The following OAS3 variants were observed in gnomAD, a reference collection of about 807,000 sequenced individuals.
The protein encoded by OAS3 is 2'-5'-oligoadenylate synthase 3.
Under a neutral mutation model 113.0 loss-of-function variants are expected in OAS3, and 107 were observed. That is an observed-to-expected ratio of 0.95 (90% CI 0.81 to 1.11). OAS3 has a LOEUF of 1.11. OAS3 is among the 50% of genes most tolerant of loss of function. The pLI, the probability that OAS3 is intolerant of heterozygous loss-of-function variation, is 0.00. For missense variants in OAS3, 1,258 were observed against 1,389.1 expected, an observed-to-expected ratio of 0.91 and a Z score of 1.50; for synonymous variants, 552 against 573.6, an observed-to-expected ratio of 0.96 and a Z score of 0.54.
At chr12:112,952,078 C>G (rs895464889) in intron 7 of OAS3, among the ~76,000 whole-genome samples, 1 of 152,060 alleles carries the variant, frequency 6.6e-6, no homozygotes, top group Non-Finnish European at 1.5e-5. Flanking sequence ...ACTTCTTGCT[C>G]GGATAATTTT....
chr12:112,946,964 G>A lies in OAS3; in HGVS notation c.858G>A (p.Arg286=), dbSNP rs372491574. 39 of 1,613,804 alleles carry A rather than the reference G, an allele frequency of 2.4e-5. No homozygotes were observed. In the African/African-American group the frequency reaches 4.7e-4, roughly 19 times the overall value. Residue 286 remains arginine, a synonymous_variant, in exon 4 of 16, where the codon CGG becomes CGA. Coordinates refer to ENST00000228928, the MANE Select transcript of OAS3 (RefSeq NM_006187.4). ...CTGCAGTTGGGCAGTTCTTGCAGCG[G>A]CAGCTTAAGAGACCCAGGTACTTCC... ...EDPAVGQFLQ[R]QLKRPRPVIL...
At chr12:112,939,815 T>C (rs1282065805) in intron 1 of OAS3, among the ~76,000 whole-genome samples, 3 of 152,112 alleles carry the variant, frequency 2.0e-5, no homozygotes, top group Admixed American at 6.5e-5. Context: ...GGAGGGAACC[T>C]GGGTGTGCTA....
intron 1 of OAS3, among the ~76,000 whole-genome samples, chr12:112,940,467 T>A (rs2043669981): frequency 6.6e-6 from 1 of 152,196 alleles, no homozygotes; most frequent in East Asian, 1.9e-4. Context: ...GGAAGTGAGA[T>A]TAGAGACGTC....
At chr12:112,947,722 A>G (rs185614806) in intron 4 of OAS3, among the ~76,000 whole-genome samples, 44 of 152,344 alleles carry the variant, frequency 2.9e-4, no homozygotes, top group Admixed American at 1.6e-3. Context: ...TTGAGAGTGG[A>G]TCCTGGTATC....
intron 13 of OAS3, 50 bp from the exon 14 acceptor site, chr12:112,967,886 A>G: frequency 1.9e-6 from 3 of 1,578,684 alleles, no homozygotes; most frequent in Non-Finnish European, 2.6e-6. Context: ...TCCCTTCTGT[A>G]CCTCATCAGT....
chr12:112,950,835 C>A lies in OAS3; in HGVS notation c.1517C>A (p.Ser506Tyr). 6.2e-7 allele frequency: 1 copy of A among 1,614,060 alleles called. No individual in the cohort carries two copies. Among genetic ancestry groups the A allele is most frequent in the Non-Finnish European group, 8.5e-7 (1 of 1,179,894 alleles). Residue 506 changes from serine to tyrosine, a missense_variant, in exon 7 of 16, where the codon TCC becomes TAC. Physicochemically the swap from Ser to Tyr is moderately radical, Grantham distance 144. Transcript: ENST00000228928. The stretch of plus-strand genomic sequence containing the variant: ...GATGAGATGCGAGCGCAGCTAGAAT[C>A]CTGGTGGCAGGACCAGGTGCCCAGC... ...ILDEMRAQLESWWQDQVPSLS... is the reference protein window; with the variant it reads ...ILDEMRAQLEYWWQDQVPSLS...
chr12:112,959,302 C>T (rs1235137738), intron 7 of OAS3, among the ~76,000 whole-genome samples: 3 of 151,488 alleles, frequency 2.0e-5, no homozygotes, highest in South Asian at 2.1e-4. Context: ...CCAGGTGAGG[C>T]GACGCCCTGC....
Position 112,938,629 on chromosome 12 carries a change from G to C in OAS3, c.99G>C (p.Leu33=). Residue 33 remains leucine, a synonymous_variant, in exon 1 of 16, where the codon CTG becomes CTC. Coordinates refer to ENST00000228928, the MANE Select transcript of OAS3 (RefSeq NM_006187.4). ...TCGTAGAGAAGGCGCGGCGCGCTCT[G>C]GGCGCCCTGGCCGCTGCCCTGAGGG... ...KEFVEKARRA[L]GALAAALRER... The C allele has an allele frequency of 6.2e-7, 1 of 1,607,470 alleles. No homozygotes were observed. The highest frequency in any genetic ancestry group is 8.5e-7 in the Non-Finnish European group (1 of 1,177,876).
In OAS3 at chr12:112,954,261, CTTGT is replaced by C. The variant is rs1176766457; in HGVS notation, c.1657+3291_1657+3294del. Among the ~76,000 whole-genome samples, 2 of 151,736 alleles carry C rather than the reference CTTGT, an allele frequency of 1.3e-5. No homozygotes were observed. The highest frequency in any genetic ancestry group is 4.8e-5 in the African/African-American group (2 of 41,260). ...TAAATAGGGAATCCTTTCCCCATTT[CTTGT>C]TTGTCTGTTTGTTTGTTTGTTGTTG... On this transcript the variant is annotated intron_variant, in intron 7 of 15. Coordinates refer to ENST00000228928, the MANE Select transcript of OAS3 (RefSeq NM_006187.4). The surrounding 1 kb of genome is among the most constrained non-coding windows in gnomAD (Gnocchi z 4.0).
At chr12:112,942,803 ATTATTG>A (rs1175677166) in intron 2 of OAS3, among the ~76,000 whole-genome samples, 2 of 148,726 alleles carry the variant, frequency 1.3e-5, no homozygotes, top group Non-Finnish European at 3.0e-5. Context: ...TGTTTCTATT[ATTATTG>A]TTATTATTAT....
chr12:112,945,608 A>C (rs1249882558), intron 3 of OAS3, among the ~76,000 whole-genome samples: 1 of 152,162 alleles, frequency 6.6e-6, no homozygotes, highest in Non-Finnish European at 1.5e-5. Flanking sequence ...CTTGCAGCAC[A>C]TGGACCAGTC....
At chr12:112,940,536 T>C (rs1314550464) in intron 1 of OAS3, among the ~76,000 whole-genome samples, 1 of 152,174 alleles carries the variant, frequency 6.6e-6, no homozygotes, top group Non-Finnish European at 1.5e-5. Flanking sequence ...TTCCAAATCC[T>C]CAGGTTGGAA....
In OAS3 at chr12:112,967,956, G is replaced by A. The variant is rs1327506630; in HGVS notation, c.2886G>A (p.Gly962=). The A allele has an allele frequency of 6.2e-7, 1 of 1,613,794 alleles. No homozygotes were observed. Among genetic ancestry groups the A allele is most frequent in the South Asian group, 1.1e-5 (1 of 91,058 alleles). ...WYQQCTKISK[G]RGSLPPQHGL... ...TCCAGTGTACCAAGATCTCCAAGGG[G>A]AGAGGCTCCCTACCCCCACAGCACG... Residue 962 remains glycine, a synonymous_variant, in exon 14 of 16, where the codon GGG becomes GGA. Transcript: ENST00000228928.
Position 112,967,449 on chromosome 12 carries a change from T to C in OAS3, c.2721T>C (p.Ser907=), listed in dbSNP as rs2043944267. ...TGGTCTCTGGCTCCAGGCCCAGCTCTCAAGTCTACGTCGACCTCATCCACA... is the reference window on the plus strand; with the variant it reads ...TGGTCTCTGGCTCCAGGCCCAGCTCCCAAGTCTACGTCGACCTCATCCACA... ...GQLVSGSRPS[S]QVYVDLIHSY... The change falls in exon 13 of 16, where the codon TCT becomes TCC. Residue 907 remains serine (S), a synonymous_variant. Coordinates refer to ENST00000228928, the MANE Select transcript of OAS3 (RefSeq NM_006187.4). 3.1e-6 allele frequency: 5 copies of C among 1,613,388 alleles called. No homozygotes were observed. The highest frequency in any genetic ancestry group is 4.2e-6 in the Non-Finnish European group (5 of 1,179,706).
At position 112,962,735 on chromosome 12, in the gene OAS3, C is replaced by T; in HGVS notation, c.1917C>T (p.Ala639=). Residue 639 remains alanine, a synonymous_variant, in exon 9 of 16, where the codon GCC becomes GCT. Coordinates refer to ENST00000228928, the MANE Select transcript of OAS3 (RefSeq NM_006187.4). ...CCCTGGAGCTCCTCACCATCTTTGC[C>T]TGGGAGCAGGGCTGCAGGCAGGATT... The part of the protein sequence containing the change: ...AYALELLTIF[A]WEQGCRQDCF... The T allele has an allele frequency of 6.2e-7, 1 of 1,613,988 alleles. No individual in the cohort carries two copies. The highest frequency in any genetic ancestry group is 8.5e-7 in the Non-Finnish European group (1 of 1,179,884).
chr12:112,948,029 C>A lies in OAS3; in HGVS notation c.959C>A (p.Ala320Glu). Residue 320 changes from alanine (A) to glutamate (E), a missense_variant, in exon 5 of 16, where the codon GCA (alanine) becomes GAA (glutamate). Physicochemically the swap from Ala to Glu is moderately radical, Grantham distance 107 (BLOSUM62 -1). Coordinates refer to ENST00000228928, the MANE Select transcript of OAS3 (RefSeq NM_006187.4). ...CACTGGGATTTGCTAGCCCAGGAGGCAGCATCCTGCTATGACCACCCATGC... is the reference window on the plus strand; with the variant it reads ...CACTGGGATTTGCTAGCCCAGGAGGAAGCATCCTGCTATGACCACCCATGC... ...AWHWDLLAQE[A>E]ASCYDHPCFL... 6.2e-7 allele frequency: 1 copy of A among 1,600,244 alleles called. No individual in the cohort carries two copies. The highest frequency in any genetic ancestry group is 8.5e-7 in the Non-Finnish European group (1 of 1,173,148).
At chr12:112,939,101 C>G (rs2043656693) in intron 1 of OAS3, among the ~76,000 whole-genome samples, 1 of 152,146 alleles carries the variant, frequency 6.6e-6, no homozygotes, top group Non-Finnish European at 1.5e-5. Context: ...TATGCCAGAC[C>G]TTAAGGTTAC....
intron 2 of OAS3, among the ~76,000 whole-genome samples, chr12:112,942,466 C>T (rs6489880): frequency 0.74 from 113,277 of 152,118 alleles, 43,462 homozygotes; most frequent in African/African-American, 0.94. Flanking sequence ...ATCCCAGCTT[C>T]GGGAGGCCAA....
chr12:112,970,107 T>C lies in OAS3; in HGVS notation c.*134T>C. The C allele has an allele frequency of 2.0e-6, 2 of 989,920 alleles. No individual in the cohort carries two copies. The highest frequency in any genetic ancestry group is 1.6e-6 in the Non-Finnish European group (1 of 639,892). The allele number at this position is 989,920 out of a possible 1,614,324, so 61.3% of individuals were successfully genotyped here. A position where few individuals can be genotyped will look rare whatever the true frequency, so the allele number is the denominator to read the frequency against. ...GTGTGAGCACATGTGTGCATGTGTGTGCACACGTGTGCATGTGTGTGTTTT... is the reference window on the plus strand; with the variant it reads ...GTGTGAGCACATGTGTGCATGTGTGCGCACACGTGTGCATGTGTGTGTTTT... On this transcript the variant is annotated 3_prime_UTR_variant, in exon 16 of 16. Transcript: ENST00000228928.
Sources: allele counts gnomAD v4.1 joint callset (sites outside exome capture counted in the v4.1 genomes callset), GRCh38; gene constraint gnomAD v4.1.1; non-coding constraint Gnocchi (gnomAD v3.1); transcripts MANE v1.5; gene names NCBI Gene and HGNC (gene_info 2026-07-23, HGNC 2026-07-21).